Variants in MPHOSPH9 observed in about 807,000 individuals in gnomAD.
MPHOSPH9 encodes the protein M-phase phosphoprotein 9.
In MPHOSPH9, 88 loss-of-function variants were observed where a neutral mutation model predicts 145.5. That is an observed-to-expected ratio of 0.60 (90% CI 0.51 to 0.72). The LOEUF (loss-of-function observed/expected upper bound fraction) is 0.72, where lower values mean the gene tolerates loss of function less well. MPHOSPH9 is among the 30% of genes least tolerant of loss of function. MPHOSPH9 has a pLI of 0.00. For missense variants in MPHOSPH9, 1,238 were observed against 1,386.6 expected (o/e 0.89, Z 1.70); for synonymous variants, 435 against 486.2 (o/e 0.89, Z 1.39).
chr12:123,220,709 T>C (rs1055967040), intron 5 of MPHOSPH9, among the ~76,000 whole-genome samples: 7 of 151,936 alleles, frequency 4.6e-5, no homozygotes, highest in Non-Finnish European at 8.8e-5. Flanking sequence ...TGAGCTATGA[T>C]TGCACCACGG....
chr12:123,215,929 T>A (rs1727320), intron 6 of MPHOSPH9, among the ~76,000 whole-genome samples: 97,780 of 152,116 alleles, frequency 0.64, 35,931 homozygotes, highest in East Asian at 1. Context: ...CTGTTTCAAT[T>A]TGTCTCACTA....
chr12:123,159,212 C>T lies in MPHOSPH9; in HGVS notation c.3450+1569G>A, dbSNP rs1047101699. ...CGGAGTCTTGCTCTGTCACCCAGGC[C>T]GAGTGCAGTGGCACGATCTCAGCTC... On this transcript the variant is annotated intron_variant, in intron 23 of 23. Transcript: ENST00000606320. This position sits in a 1 kb window ranked among gnomAD's most constrained non-coding sequence, Gnocchi z 4.3. 7.2e-5 allele frequency among the ~76,000 whole-genome samples: 11 copies of T among 151,884 alleles called. No homozygotes were observed. Among genetic ancestry groups the T allele is most frequent in the African/African-American group, 2.2e-4 (9 of 41,370 alleles).
intron 1 of MPHOSPH9, among the ~76,000 whole-genome samples, chr12:123,242,842 C>T (rs2047963356): frequency 6.6e-6 from 1 of 152,222 alleles, no homozygotes; most frequent in Non-Finnish European, 1.5e-5. Context: ...TTTGTGCCAG[C>T]GCTGTCCTGC....
upstream of MPHOSPH9, among the ~76,000 whole-genome samples, chr12:123,234,576 T>C (rs911262351): frequency 3.3e-5 from 5 of 152,068 alleles, no homozygotes; most frequent in African/African-American, 1.2e-4. Flanking sequence ...TTTGTATTTT[T>C]AGTAGAGACG....
At chr12:123,162,797 AT>A in intron 20 of MPHOSPH9, 1 of 440,712 alleles carries the variant, frequency 2.3e-6, no homozygotes, top group Non-Finnish European at 3.9e-6. Context: ...TGAGGTGATA[AT>A]TTAAAATCTA....
At chr12:123,185,553 G>A (rs1393135317) in intron 13 of MPHOSPH9, among the ~76,000 whole-genome samples, 3 of 152,102 alleles carry the variant, frequency 2.0e-5, no homozygotes, top group African/African-American at 7.2e-5. Flanking sequence ...AGACCAGCAA[G>A]AGCAACATAG....
downstream of MPHOSPH9, chr12:123,152,666 AAC>A: frequency 2.2e-6 from 1 of 449,484 alleles, no homozygotes; most frequent in Non-Finnish European, 4.5e-6. Context: ...AAGACTTAGT[AAC>A]ACAGTTCCTA....
In MPHOSPH9 at chr12:123,172,467, G is replaced by C. The variant is rs568476263; in HGVS notation, c.2456+4221C>G. Among the ~76,000 whole-genome samples, 4 of 151,986 alleles carry C rather than the reference G, an allele frequency of 2.6e-5. No individual in the cohort carries two copies. The South Asian group carries it at 8.3e-4, about 32-fold the overall frequency. On this transcript the variant is annotated intron_variant, in intron 16 of 23. Transcript: ENST00000606320. ...CCTGCCTCAGCCTCCTGAGTAACTG[G>C]GACTACAGGCACATGCCACCATACC...
intron 8 of MPHOSPH9, among the ~76,000 whole-genome samples, chr12:123,204,940 T>G (rs2046363818): frequency 6.6e-6 from 1 of 152,176 alleles, no homozygotes. Context: ...CTCACTACAC[T>G]AAAAATGTTG....
intron 7 of MPHOSPH9, among the ~76,000 whole-genome samples, chr12:123,214,356 T>C (rs576012261): frequency 6.6e-6 from 1 of 152,056 alleles, no homozygotes; most frequent in Non-Finnish European, 1.5e-5. Context: ...TGAGGCAACA[T>C]GGCGAAACCC....
At chr12:123,225,443 CAA>C (rs56225104) in intron 3 of MPHOSPH9, among the ~76,000 whole-genome samples, 67,828 of 101,832 alleles carry the variant, frequency 0.67, 22,757 homozygotes, top group East Asian at 0.99. Flanking sequence ...GACCCTATTT[CAA>C]AAAAAAAAAA....
At chr12:123,210,255 G>C (rs1289360032) in intron 7 of MPHOSPH9, 93 bp from the exon 8 acceptor site, 5 of 650,456 alleles carry the variant, frequency 7.7e-6, no homozygotes, top group Non-Finnish European at 1.2e-5. Context: ...AATTAAATAT[G>C]GGAAGAAATT....
At chr12:123,243,161 C>G (rs1032251032) in intron 1 of MPHOSPH9, among the ~76,000 whole-genome samples, 2 of 152,138 alleles carry the variant, frequency 1.3e-5, no homozygotes, top group Non-Finnish European at 2.9e-5. Flanking sequence ...GCACCACTTT[C>G]CTTGGCACAC....
chr12:123,159,356 G>A lies in MPHOSPH9; in HGVS notation c.3450+1425C>T, dbSNP rs914318015. Among the ~76,000 whole-genome samples, 1 of 152,000 alleles carries A rather than the reference G, an allele frequency of 6.6e-6. No individual in the cohort carries two copies. The highest frequency in any genetic ancestry group is 2.4e-5 in the African/African-American group (1 of 41,402). On this transcript the variant is annotated intron_variant, in intron 23 of 23. Coordinates refer to ENST00000606320, the MANE Select transcript of MPHOSPH9 (RefSeq NM_022782.4). This position sits in a 1 kb window ranked among gnomAD's most constrained non-coding sequence, Gnocchi z 4.3. ...TTTTTTGTATTTTTAGTAGAGATGG[G>A]GTTTTGCCATGTTGGCCAGGCTGGT... is the stretch of plus-strand genomic sequence containing the variant.
At chr12:123,227,765 T>C (rs949123327) in intron 2 of MPHOSPH9, 149 bp from the exon 3 acceptor site, 4 of 658,094 alleles carry the variant, frequency 6.1e-6, no homozygotes, top group South Asian at 4.7e-5. Flanking sequence ...TGATCACAAG[T>C]TGCTCCACAA....
chr12:123,202,130 GGA>G, intron 11 of MPHOSPH9, 32 bp downstream of exon 11: 8 of 1,561,868 alleles, frequency 5.1e-6, no homozygotes, highest in Non-Finnish European at 6.9e-6. Flanking sequence ...CATCCAAGGT[GGA>G]GAAAACTTCA....
rs560559299 is a variant in MPHOSPH9, at chr12:123,185,342, AT to A, written c.2242-4133del. On this transcript the variant is annotated intron_variant, in intron 13 of 23. Coordinates refer to ENST00000606320, the MANE Select transcript of MPHOSPH9 (RefSeq NM_022782.4). ...TTGTTAGAAACTAAAAAAAAAAAAA[AT>A]ATTGTTACAAAATTTCGGCATACCA... Among the ~76,000 whole-genome samples the A allele has an allele frequency of 6.4e-4, 98 of 152,076 alleles. No individual in the cohort carries two copies. The Middle Eastern group carries it at 0.01, about 16-fold the overall frequency.
intron 16 of MPHOSPH9, among the ~76,000 whole-genome samples, chr12:123,167,842 G>A (rs1483644465): frequency 6.6e-6 from 1 of 152,010 alleles, no homozygotes; most frequent in Admixed American, 6.6e-5. Flanking sequence ...CCAGACTTTA[G>A]AGCCTGCCTT....
In MPHOSPH9 at chr12:123,161,298, T is replaced by C; in HGVS notation, c.3219A>G (p.Val1073=). 1 of 1,614,172 alleles carries C rather than the reference T, an allele frequency of 6.2e-7. No individual in the cohort carries two copies. Among genetic ancestry groups the C allele is most frequent in the Non-Finnish European group, 8.5e-7 (1 of 1,180,018 alleles). The change falls in exon 22 of 24, where the codon GTA becomes GTG. Residue 1073 remains valine, a synonymous_variant. Coordinates refer to ENST00000606320, the MANE Select transcript of MPHOSPH9 (RefSeq NM_022782.4). ...PEPVPNGVKK[V]SVRTAWEKNK... ...TCTTCTCCCAGGCTGTTCTCACAGA[T>C]ACTTTCTTCACTCCATTTGGCACCG...
Sources: allele counts gnomAD v4.1 joint callset (sites outside exome capture counted in the v4.1 genomes callset), GRCh38; gene constraint gnomAD v4.1.1; non-coding constraint Gnocchi (gnomAD v3.1); transcripts MANE v1.5; gene names NCBI Gene and HGNC (gene_info 2026-07-23, HGNC 2026-07-21).